Variants in ERCC4 observed in about 807,000 individuals in gnomAD.
ERCC4 encodes ERCC excision repair 4, endonuclease catalytic subunit.
Under a neutral mutation model 76.9 loss-of-function variants are expected in ERCC4, and 65 were observed. The observed-to-expected ratio is 0.84, with a 90% CI of 0.69 to 1.04. The LOEUF (loss-of-function observed/expected upper bound fraction) is 1.04, where lower values mean the gene tolerates loss of function less well. ERCC4 is among the 50% of genes least tolerant of loss of function. The pLI, the probability that ERCC4 is intolerant of heterozygous loss-of-function variation, is 0.00. For synonymous variants in ERCC4, 463 were observed against 410.1 expected (o/e 1.13, Z -1.56); for missense variants, 1,214 against 1,128.2 (o/e 1.08, Z -1.09).
chr16:13,922,966 A>T lies in ERCC4; in HGVS notation c.388+755A>T, dbSNP rs565933104. 1.3e-4 allele frequency among the ~76,000 whole-genome samples: 20 copies of T among 152,340 alleles called. 1 individual carries two copies. The South Asian group carries it at 3.9e-3, about 30-fold the overall frequency. On this transcript the variant is annotated intron_variant, in intron 2 of 10. Transcript: ENST00000311895. ...TGCTTTTAGAACTTAATCAGATTTGAAATGTTTATAAATAATCTTTGTATA... is the reference window on the plus strand; with the variant it reads ...TGCTTTTAGAACTTAATCAGATTTGTAATGTTTATAAATAATCTTTGTATA...
At chr16:13,946,783 G>A (rs755893473) in intron 10 of ERCC4, among the ~76,000 whole-genome samples, 10 of 151,562 alleles carry the variant, frequency 6.6e-5, no homozygotes, top group African/African-American at 1.5e-4. Flanking sequence ...TTTTTGAGAC[G>A]GAGTTTCACC....
chr16:13,928,099 C>T lies in ERCC4; in HGVS notation c.656C>T (p.Thr219Ile). Reference protein sequence around the residue: ...PEVVEIHVSMTPTMLAIQTAI... With the variant: ...PEVVEIHVSMIPTMLAIQTAI... Reference sequence around the variant, plus strand: ...GTTGTAGAAATCCATGTTTCTATGACACCTACCATGCTTGCTATACAGACT... The same window carrying T: ...GTTGTAGAAATCCATGTTTCTATGATACCTACCATGCTTGCTATACAGACT... Residue 219 changes from threonine to isoleucine, a missense_variant, in exon 4 of 11, where the codon ACA becomes ATA. By Grantham distance (89) the Thr-to-Ile change is moderately conservative (BLOSUM62 -1). Transcript: ENST00000311895. 1 of 1,613,526 alleles carries T rather than the reference C, an allele frequency of 6.2e-7. No homozygotes were observed. The highest frequency in any genetic ancestry group is 1.1e-5 in the South Asian group (1 of 91,074).
chr16:13,930,519 T>C (rs2032151929), intron 4 of ERCC4, among the ~76,000 whole-genome samples, 191 bp from the exon 5 acceptor site: 1 of 152,218 alleles, frequency 6.6e-6, no homozygotes, highest in Non-Finnish European at 1.5e-5. Context: ...TTTTATTAAC[T>C]GAAATGTTCT....
intron 1 of ERCC4, 34 bp from the exon 2 acceptor site, chr16:13,921,997 A>T: frequency 6.6e-7 from 1 of 1,522,664 alleles, no homozygotes; most frequent in Non-Finnish European, 9.1e-7. Flanking sequence ...GCCCTGTATT[A>T]AATAGCCTAC....
intron 2 of ERCC4, among the ~76,000 whole-genome samples, chr16:13,923,743 CTT>C (rs1174138762): frequency 2.0e-5 from 3 of 152,158 alleles, no homozygotes; most frequent in Non-Finnish European, 4.4e-5. Context: ...ACAACAAACT[CTT>C]AGTAATTCAT....
At chr16:13,943,714 G>A (rs2032459105) in intron 9 of ERCC4, among the ~76,000 whole-genome samples, 1 of 151,886 alleles carries the variant, frequency 6.6e-6, no homozygotes. Flanking sequence ...TTTTATCGCA[G>A]TTCCTCAGTT....
chr16:13,939,291 T>G (rs1194546468), intron 9 of ERCC4, among the ~76,000 whole-genome samples: 1 of 152,168 alleles, frequency 6.6e-6, no homozygotes, highest in Non-Finnish European at 1.5e-5. Context: ...TGTGCTAATA[T>G]TAAAGTGCTG....
At chr16:13,920,882 C>T (rs953649800) in intron 1 of ERCC4, among the ~76,000 whole-genome samples, 1 of 151,910 alleles carries the variant, frequency 6.6e-6, no homozygotes, top group Non-Finnish European at 1.5e-5. Context: ...CCTGACAACA[C>T]TAAGAGGGAT....
At chr16:13,926,302 C>T (rs2032070631) in intron 2 of ERCC4, among the ~76,000 whole-genome samples, 1 of 152,144 alleles carries the variant, frequency 6.6e-6, no homozygotes, top group Non-Finnish European at 1.5e-5. Context: ...GTGAGACCAC[C>T]CCTCATACAT....
In ERCC4 at chr16:13,920,227, A is replaced by T. The variant is rs756494000; in HGVS notation, c.62A>T (p.Gln21Leu). The change falls in exon 1 of 11, where the codon CAG becomes CTG. Residue 21 changes from glutamine (Q) to leucine (L), a missense_variant. By Grantham distance (113) the Gln-to-Leu change is moderately radical. Coordinates refer to ENST00000311895, the MANE Select transcript of ERCC4 (RefSeq NM_005236.3). ...GCGCCGCTGCTGGAGTACGAGCGAC[A>T]GCTGGTGCTGGAACTGCTCGACACT... Reference protein sequence around the residue: ...AMAPLLEYERQLVLELLDTDG... With the variant: ...AMAPLLEYERLLVLELLDTDG... 4 of 1,607,990 alleles carry T rather than the reference A, an allele frequency of 2.5e-6. No homozygotes were observed. The highest frequency in any genetic ancestry group is 3.3e-4 in the Middle Eastern group (2 of 6,036).
At chr16:13,920,717 G>C (rs778329849) in intron 1 of ERCC4, among the ~76,000 whole-genome samples, 1 of 151,968 alleles carries the variant, frequency 6.6e-6, no homozygotes, top group African/African-American at 2.4e-5. Flanking sequence ...CGGGGACTCT[G>C]AGAGGGAAGG....
chr16:13,937,931 C>A, intron 9 of ERCC4, 73 bp downstream of exon 9: 1 of 948,880 alleles, frequency 1.1e-6, no homozygotes, highest in South Asian at 1.3e-5. Flanking sequence ...ATCAGATAGT[C>A]CTGCTCAGGA....
chr16:13,929,088 A>AT (rs1211808076), intron 4 of ERCC4, among the ~76,000 whole-genome samples: 3 of 152,048 alleles, frequency 2.0e-5, no homozygotes, highest in Non-Finnish European at 2.9e-5. Context: ...GTCCATGGTG[A>AT]TTTTTTTTAA....
At chr16:13,938,136 A>C (rs1053193733) in intron 9 of ERCC4, among the ~76,000 whole-genome samples, 2 of 152,090 alleles carry the variant, frequency 1.3e-5, no homozygotes, top group African/African-American at 4.8e-5. Context: ...TTTGTTTGTG[A>C]AGCAGTATGA....
At chr16:13,938,804 G>C (rs1031215745) in intron 9 of ERCC4, among the ~76,000 whole-genome samples, 5 of 152,224 alleles carry the variant, frequency 3.3e-5, no homozygotes, top group African/African-American at 1.2e-4. Context: ...TGCAGTGGTG[G>C]CTGCGGGTTC....
chr16:13,932,258 G>GA lies in ERCC4; in HGVS notation c.1081dup (p.Met361AsnfsTer4), dbSNP rs769120755. 1.2e-6 allele frequency: 2 copies of GA among 1,610,376 alleles called. No individual in the cohort carries two copies. The highest frequency in any genetic ancestry group is 2.2e-5 in the South Asian group (2 of 90,772). ...AATGAGTAAAAAAGAAAAAATATCTGAAAAAATGGAAATTAAAGAAGGGGA... is the reference window on the plus strand; with the variant it reads ...AATGAGTAAAAAAGAAAAAATATCTGAAAAAAATGGAAATTAAAGAAGGGGA... On this transcript the variant is annotated frameshift_variant, in exon 6 of 11. Transcript: ENST00000311895. LOFTEE classifies it high-confidence loss of function.
At position 13,925,669 on chromosome 16, in the gene ERCC4, C is replaced by T. The variant is rs3136081; in HGVS notation, c.389-892C>T. Reference sequence around the variant, plus strand: ...ATATGAGAACTGGATCAAAAGCATGCAAGTACCATTATGCCAAATATATAT... The same window carrying T: ...ATATGAGAACTGGATCAAAAGCATGTAAGTACCATTATGCCAAATATATAT... On this transcript the variant is annotated intron_variant, in intron 2 of 10. Coordinates refer to ENST00000311895, the MANE Select transcript of ERCC4 (RefSeq NM_005236.3). Among the ~76,000 whole-genome samples, 291 of 152,202 alleles carry T rather than the reference C, an allele frequency of 1.9e-3. 1 individual carries two copies. The highest frequency in any genetic ancestry group is 6.5e-3 in the African/African-American group (268 of 41,518).
chr16:13,936,400 T>C (rs2032293698), intron 8 of ERCC4, among the ~76,000 whole-genome samples: 1 of 152,220 alleles, frequency 6.6e-6, no homozygotes, highest in Non-Finnish European at 1.5e-5. Flanking sequence ...TAACACAGCC[T>C]TTCAGAGTAG....
intron 6 of ERCC4, chr16:13,933,065 A>C (rs987575769): frequency 7.2e-6 from 3 of 414,166 alleles, no homozygotes; most frequent in Admixed American, 5.7e-5. Context: ...AAAAAAAAAA[A>C]AACACAAAAA....
Sources: gnomAD v4.1 joint callset for allele counts (sites outside exome capture counted in the v4.1 genomes callset) on GRCh38, gnomAD v4.1.1 for gene constraint, MANE v1.5 for transcripts, NCBI Gene and HGNC (gene_info 2026-07-23, HGNC 2026-07-21) for gene names.